Variants in TNR observed in about 807,000 individuals in gnomAD.
TNR encodes the protein tenascin R, also known as tenascin-R.
A neutral mutation model predicts 150.4 loss-of-function variants in TNR; 45 were observed. The ratio of observed to expected loss-of-function variants is 0.30; its 90% CI spans 0.24 to 0.38. The LOEUF is 0.38. Ranked by LOEUF, TNR falls within the 10% of genes least tolerant of loss-of-function variation. The pLI is 1.00. For synonymous variants in TNR, 687 were observed against 678.4 expected, an observed-to-expected ratio of 1.01 and a Z score of -0.20; for missense variants, 1,544 against 1,759.1, an observed-to-expected ratio of 0.88 and a Z score of 2.19.
At chr1:175,539,402 TG>T (rs1400605813) in intron 1 of TNR, among the ~76,000 whole-genome samples, 2 of 152,156 alleles carry the variant, frequency 1.3e-5, no homozygotes, top group Admixed American at 6.5e-5. Flanking sequence ...TTAATGGAGG[TG>T]TAAACAAACT....
At chr1:175,473,955 C>A (rs1000648163) in intron 2 of TNR, among the ~76,000 whole-genome samples, 7 of 152,114 alleles carry the variant, frequency 4.6e-5, no homozygotes, top group African/African-American at 1.4e-4. Context: ...CTTGAGCTGT[C>A]AGTGCACAAG....
rs527422558 is a variant in TNR at position 175,362,803 on chromosome 1, C to T, written c.2714G>A (p.Arg905Gln). The change falls in exon 14 of 23, where the codon CGA (arginine) becomes CAA (glutamine). Residue 905 changes from arginine to glutamine, a missense_variant. By Grantham distance (43) the Arg-to-Gln change is conservative. Transcript: ENST00000367674. ...RVSYRPTQVGRLDSSVVPNTV... is the reference protein window; with the variant it reads ...RVSYRPTQVGQLDSSVVPNTV... ...GTTGGGCACCACTGAGCTGTCTAGT[C>T]GTCCCACTGGAGAAGAGAAGAATCT... 2.8e-5 allele frequency: 45 copies of T among 1,614,030 alleles called. No individual in the cohort carries two copies. In the South Asian group the frequency reaches 3.1e-4, roughly 11 times the overall value.
intron 1 of TNR, among the ~76,000 whole-genome samples, chr1:175,621,139 G>A (rs1232241492): frequency 3.9e-5 from 6 of 152,144 alleles, no homozygotes; most frequent in African/African-American, 1.2e-4. Context: ...CCAGCTGACC[G>A]CTCTGTTCTG....
intron 2 of TNR, among the ~76,000 whole-genome samples, chr1:175,522,675 T>A (rs751184693): frequency 2.0e-5 from 3 of 152,226 alleles, no homozygotes; most frequent in Non-Finnish European, 4.4e-5. Flanking sequence ...TCATTTGGTT[T>A]GGCATGAGAC....
chr1:175,437,667 T>C (rs554382697), intron 2 of TNR, among the ~76,000 whole-genome samples: 17 of 152,232 alleles, frequency 1.1e-4, no homozygotes, highest in Non-Finnish European at 1.8e-4. Context: ...AAGAATCAAA[T>C]AGACGCAATA....
chr1:175,558,513 G>A (rs1160689820), intron 1 of TNR, among the ~76,000 whole-genome samples: 1 of 152,112 alleles, frequency 6.6e-6, no homozygotes, highest in Non-Finnish European at 1.5e-5. Flanking sequence ...GCATTAAACA[G>A]ACTTTAACCC....
At chr1:175,416,974 C>G (rs968160052) in intron 2 of TNR, among the ~76,000 whole-genome samples, 3 of 126,734 alleles carry the variant, frequency 2.4e-5, no homozygotes, top group East Asian at 2.3e-4. Flanking sequence ...CGCCACTGCA[C>G]TCCAGCCTGG....
intron 1 of TNR, among the ~76,000 whole-genome samples, chr1:175,672,171 A>G (rs1209538693): frequency 6.6e-6 from 1 of 152,220 alleles, no homozygotes; most frequent in Non-Finnish European, 1.5e-5. Flanking sequence ...ACCTTCTTGC[A>G]GAAGTATTAT....
chr1:175,740,037 C>T (rs1667881431), intron 1 of TNR, among the ~76,000 whole-genome samples: 2 of 152,350 alleles, frequency 1.3e-5, no homozygotes, highest in South Asian at 4.1e-4. Context: ...TCTATAAATG[C>T]GGTTGAAATG....
chr1:175,439,256 G>C (rs1349458989), intron 2 of TNR, among the ~76,000 whole-genome samples: 2 of 151,986 alleles, frequency 1.3e-5, no homozygotes, highest in Non-Finnish European at 2.9e-5. Flanking sequence ...ACAAACCTGA[G>C]AAAAACAAGC....
chr1:175,355,741 C>T, intron 16 of TNR, 108 bp from the exon 17 acceptor site: 1 of 1,472,354 alleles, frequency 6.8e-7, no homozygotes, highest in African/African-American at 1.4e-5. Context: ...CAGGATTGCT[C>T]ACATGCTGAC....
At chr1:175,548,702 T>A (rs1043147760) in intron 1 of TNR, among the ~76,000 whole-genome samples, 1 of 151,604 alleles carries the variant, frequency 6.6e-6, no homozygotes, top group Non-Finnish European at 1.5e-5. Context: ...GGAGCCTCTC[T>A]ACTGGGGAGC....
At position 175,422,750 on chromosome 1, in the gene TNR, C is replaced by A. The variant is rs925423384; in HGVS notation, c.-63-15973G>T. ...TACCTGTCAGACCATCCACACTCCC[C>A]AATTGTCTTTCCCTGCCACATGTCC... On this transcript the variant is annotated intron_variant, in intron 2 of 22. Transcript: ENST00000367674. 6.6e-5 allele frequency among the ~76,000 whole-genome samples: 10 copies of A among 152,326 alleles called. No homozygotes were observed. The South Asian group carries it at 1.2e-3, about 19-fold the overall frequency.
chr1:175,726,167 A>T (rs1170535194), intron 1 of TNR, among the ~76,000 whole-genome samples: 1 of 152,224 alleles, frequency 6.6e-6, no homozygotes, highest in Non-Finnish European at 1.5e-5. Context: ...CTAAAGTACC[A>T]GTCCTCAAGA....
chr1:175,553,381 T>C (rs1661019397), intron 1 of TNR, among the ~76,000 whole-genome samples: 1 of 152,202 alleles, frequency 6.6e-6, no homozygotes, highest in Admixed American at 6.5e-5. Flanking sequence ...TCCAGTGTTA[T>C]GGCTGCAGGC....
chr1:175,597,084 T>C (rs1426296758), intron 1 of TNR, among the ~76,000 whole-genome samples: 1 of 152,238 alleles, frequency 6.6e-6, no homozygotes, highest in Non-Finnish European at 1.5e-5. Context: ...AATGATGTTT[T>C]GCATTTATAT....
chr1:175,420,458 A>G (rs1654701079), intron 2 of TNR, among the ~76,000 whole-genome samples: 1 of 152,254 alleles, frequency 6.6e-6, no homozygotes, highest in Admixed American at 6.5e-5. Context: ...AATAACAGTG[A>G]CATTTTCATT....
intron 1 of TNR, among the ~76,000 whole-genome samples, chr1:175,678,095 T>C (rs1157795895): frequency 6.6e-6 from 1 of 152,236 alleles, no homozygotes; most frequent in Non-Finnish European, 1.5e-5. Context: ...GATTGGGTTA[T>C]ATCATAGCAA....
At chr1:175,480,547 T>C (rs184876684) in intron 2 of TNR, among the ~76,000 whole-genome samples, 203 of 152,346 alleles carry the variant, frequency 1.3e-3, no homozygotes, top group African/African-American at 4.8e-3. Flanking sequence ...ATTCCTTCTC[T>C]CTGGTCATAA....
Sources: allele counts gnomAD v4.1 joint callset (sites outside exome capture counted in the v4.1 genomes callset), GRCh38; gene constraint gnomAD v4.1.1; transcripts MANE v1.5; gene names NCBI Gene and HGNC (gene_info 2026-07-23, HGNC 2026-07-21).